KCNQ4: variants seen among roughly 807,000 people sequenced by gnomAD.
The protein encoded by KCNQ4 is potassium voltage-gated channel subfamily Q member 4.
In KCNQ4, 31 loss-of-function variants were observed where a neutral mutation model predicts 72.6. The observed-to-expected ratio is 0.43, with a 90% CI of 0.32 to 0.58. KCNQ4 has a LOEUF of 0.58. Among genes scored for constraint, KCNQ4 ranks in the 20% least tolerant of loss-of-function variants. The pLI is 0.08. For synonymous variants in KCNQ4, 405 were observed against 403.7 expected (o/e 1.00, Z -0.04); for missense variants, 869 against 962.6 (o/e 0.90, Z 1.29).
intron 4 of KCNQ4, 94 bp downstream of exon 4, chr1:40,818,774 C>A: frequency 7.2e-7 from 1 of 1,389,432 alleles, no homozygotes; most frequent in Non-Finnish European, 9.9e-7. Flanking sequence ...GAGGGGCTGT[C>A]TCCGTGCTGG....
intron 9 of KCNQ4, among the ~76,000 whole-genome samples, chr1:40,830,107 C>T (rs771322199): frequency 1.9e-4 from 29 of 152,228 alleles, no homozygotes; most frequent in Middle Eastern, 6.8e-3. Context: ...GCTGTTGAAC[C>T]GGGAGCTCAG....
rs897524281 is a variant in KCNQ4, at chr1:40,838,774, C to T, written c.*251C>T. ...CAGCGGCCGTCCCGCGGCCTCTGGGCCCCCCAGTGCCCTGCCCACTCCATC... is the reference window on the plus strand; with the variant it reads ...CAGCGGCCGTCCCGCGGCCTCTGGGTCCCCCAGTGCCCTGCCCACTCCATC... On this transcript the variant is annotated 3_prime_UTR_variant, in exon 14 of 14. Coordinates refer to ENST00000347132, the MANE Select transcript of KCNQ4 (RefSeq NM_004700.4). 3 of 575,760 alleles carry T rather than the reference C, an allele frequency of 5.2e-6. No homozygotes were observed. The highest frequency in any genetic ancestry group is 4.6e-4 in the Middle Eastern group (1 of 2,168). 35.7% of individuals were successfully genotyped at this position (575,760 alleles called of 1,614,324 possible).
At chr1:40,834,922 C>T (rs746145430) in intron 11 of KCNQ4, 45 bp from the exon 12 acceptor site, 5 of 1,608,648 alleles carry the variant, frequency 3.1e-6, no homozygotes, top group African/African-American at 1.3e-5. Flanking sequence ...GGGAAAGAAT[C>T]CCTGCTCTAA....
chr1:40,800,472 G>GGGTCTCCATTTATACTCTCTCCCCAGTCC (rs1647540227), intron 1 of KCNQ4, among the ~76,000 whole-genome samples: 1 of 152,274 alleles, frequency 6.6e-6, no homozygotes, highest in South Asian at 2.1e-4. Flanking sequence ...TATGGTATGT[G>GGGTCTCCATTTATACTCTCTCCCCAGTCC]GGTCTCCATT....
chr1:40,820,108 C>T (rs1319891550), intron 6 of KCNQ4, 57 bp from the exon 7 acceptor site: 41 of 1,537,946 alleles, frequency 2.7e-5, no homozygotes, highest in Non-Finnish European at 3.5e-5. Context: ...ACCCTTGCAG[C>T]CTCTTACTGC....
chr1:40,794,471 C>T lies in KCNQ4; in HGVS notation c.314+10064C>T, dbSNP rs188100419. On this transcript the variant is annotated intron_variant, in intron 1 of 13. Coordinates refer to ENST00000347132, the MANE Select transcript of KCNQ4 (RefSeq NM_004700.4). This position sits in a 1 kb window ranked among gnomAD's most constrained non-coding sequence, Gnocchi z 4.2. ...GCTCAAAGAAGAGAAACACCACATA[C>T]TAAGTTACACAGCTTGTCTGTGGTC... 6.0e-4 allele frequency among the ~76,000 whole-genome samples: 91 copies of T among 152,342 alleles called. 1 individual carries two copies. The highest frequency in any genetic ancestry group is 1.1e-3 in the Non-Finnish European group (75 of 68,036).
intron 1 of KCNQ4, among the ~76,000 whole-genome samples, chr1:40,797,873 G>A (rs1373903357): frequency 6.6e-6 from 1 of 152,134 alleles, no homozygotes; most frequent in African/African-American, 2.4e-5. Context: ...AGCTGGTGGT[G>A]TGTGGGGGTG....
Position 40,838,816 on chromosome 1 carries a change from C to T in KCNQ4, c.*293C>T. On this transcript the variant is annotated 3_prime_UTR_variant, in exon 14 of 14. Transcript: ENST00000347132. ...CACTCCATCAAGGCCCTATGTGGCC[C>T]ACCTGGCAGGGGCACAGCCCCGGGA... 1.9e-6 allele frequency: 1 copy of T among 519,650 alleles called. No homozygotes were observed. The highest frequency in any genetic ancestry group is 3.5e-6 in the Non-Finnish European group (1 of 284,856). The allele number at this position is 519,650 out of a possible 1,614,324, so 32.2% of individuals were successfully genotyped here.
rs762741559 is a variant in KCNQ4, at chr1:40,784,436, G to A, written c.314+29G>A. On this transcript the variant is annotated intron_variant, in intron 1 of 13. Transcript: ENST00000347132. This position sits in a 1 kb window ranked among gnomAD's most constrained non-coding sequence, Gnocchi z 4.1. ...AGTTTGCGACCCCGCGCCCTTCCGCGTTTCCCCGCGCAAGCCTGGCCTCCC... is the reference window on the plus strand; with the variant it reads ...AGTTTGCGACCCCGCGCCCTTCCGCATTTCCCCGCGCAAGCCTGGCCTCCC... 1.9e-6 allele frequency: 3 copies of A among 1,600,476 alleles called. No individual in the cohort carries two copies. The Admixed American group carries it at 5.0e-5, about 27-fold the overall frequency.
intron 1 of KCNQ4, among the ~76,000 whole-genome samples, chr1:40,801,212 G>A (rs1647565330): frequency 6.6e-6 from 1 of 151,992 alleles, no homozygotes; most frequent in African/African-American, 2.4e-5. Flanking sequence ...GGGCTGACCA[G>A]GAATGGGACT....
At chr1:40,818,020 A>T in intron 2 of KCNQ4, 144 bp from the exon 3 acceptor site, 1 of 1,037,628 alleles carries the variant, frequency 9.6e-7, no homozygotes, top group Non-Finnish European at 1.5e-6. Context: ...GCCCTCCGGA[A>T]TCGTCAAGTC....
chr1:40,798,286 A>G (rs1647472744), intron 1 of KCNQ4, among the ~76,000 whole-genome samples: 1 of 152,080 alleles, frequency 6.6e-6, no homozygotes, highest in South Asian at 2.1e-4. Flanking sequence ...CTTTCTGCAG[A>G]GCTTCCCAGG....
intron 1 of KCNQ4, among the ~76,000 whole-genome samples, chr1:40,814,952 T>C (rs1648039731): frequency 6.6e-6 from 1 of 151,900 alleles, no homozygotes; most frequent in East Asian, 1.9e-4. Context: ...AAGAAAAGTG[T>C]TAATGATGGC....
At chr1:40,785,046 C>G (rs1420429068) in intron 1 of KCNQ4, among the ~76,000 whole-genome samples, 1 of 152,234 alleles carries the variant, frequency 6.6e-6, no homozygotes, top group African/African-American at 2.4e-5. Context: ...CAACGGCGGC[C>G]GCCCTGCCTG....
Position 40,818,446 on chromosome 1 carries a change from G to A in KCNQ4, c.533-59G>A, listed in dbSNP as rs1648166664. The A allele has an allele frequency of 1.3e-5, 17 of 1,285,308 alleles. No homozygotes were observed. In the Admixed American group the frequency reaches 3.0e-4, roughly 23 times the overall value. The allele number at this position is 1,285,308 out of a possible 1,614,324, so 79.6% of individuals were successfully genotyped here. On this transcript the variant is annotated intron_variant, in intron 3 of 13. Coordinates refer to ENST00000347132, the MANE Select transcript of KCNQ4 (RefSeq NM_004700.4). ...CCCTGCCACATCCCCAGAAGTCCCC[G>A]CCTCCGGGTCCGTGCGCGGGGTAGG...
chr1:40,804,493 A>G (rs1647690902), intron 1 of KCNQ4, among the ~76,000 whole-genome samples: 1 of 152,160 alleles, frequency 6.6e-6, no homozygotes, highest in African/African-American at 2.4e-5. Context: ...GTATCTGGTC[A>G]TATCTTGCCA....
intron 2 of KCNQ4, 21 bp from the exon 3 acceptor site, chr1:40,818,143 C>T (rs745530561): frequency 1.4e-5 from 22 of 1,613,798 alleles, no homozygotes; most frequent in Non-Finnish European, 1.9e-5. Context: ...AGGACCAGAA[C>T]TCAGGCCCCT....
intron 1 of KCNQ4, among the ~76,000 whole-genome samples, chr1:40,787,136 C>T (rs1197169873): frequency 2.6e-5 from 4 of 152,084 alleles, no homozygotes; most frequent in African/African-American, 9.7e-5. Flanking sequence ...CACCTGTAAT[C>T]CCAGCACTGT....
chr1:40,814,685 C>CA (rs1233161672), intron 1 of KCNQ4, among the ~76,000 whole-genome samples: 1 of 149,602 alleles, frequency 6.7e-6, no homozygotes, highest in African/African-American at 2.5e-5. Context: ...GCCTGGTTGA[C>CA]AGAGTGAGAC....
Sources: allele counts gnomAD v4.1 joint callset (sites outside exome capture counted in the v4.1 genomes callset), GRCh38; gene constraint gnomAD v4.1.1; non-coding constraint Gnocchi (gnomAD v3.1); transcripts MANE v1.5; gene names NCBI Gene and HGNC (gene_info 2026-07-23, HGNC 2026-07-21).